FOXO3: variants seen among roughly 807,000 people sequenced by gnomAD.
FOXO3 encodes the protein forkhead box protein O3.
FOXO3 carries 4 observed loss-of-function variants against 41.9 expected under a neutral mutation model. That is an observed-to-expected ratio of 0.10 (90% CI 0.05 to 0.22). The LOEUF (loss-of-function observed/expected upper bound fraction) is 0.22, where lower values mean the gene tolerates loss of function less well. Ranked by LOEUF, FOXO3 falls within the 10% of genes least tolerant of loss-of-function variation. The pLI is 1.00. For missense variants in FOXO3, 534 were observed against 906.8 expected (o/e 0.59, Z 5.28); for synonymous variants, 318 against 389.3 (o/e 0.82, Z 2.16).
intron 1 of FOXO3, among the ~76,000 whole-genome samples, chr6:108,610,357 A>G (rs2128369074): frequency 6.6e-6 from 1 of 152,346 alleles, no homozygotes; most frequent in South Asian, 2.1e-4. Context: ...TAAACTGGCC[A>G]CAGGAAAATT....
intron 2 of FOXO3, among the ~76,000 whole-genome samples, chr6:108,665,462 T>G (rs1779022940): frequency 1.3e-5 from 2 of 152,156 alleles, no homozygotes. Context: ...AGAAGCAAAA[T>G]CTGTTAATTA....
intron 1 of FOXO3, among the ~76,000 whole-genome samples, chr6:108,629,394 G>A (rs1271220019): frequency 1.3e-5 from 2 of 152,120 alleles, no homozygotes; most frequent in African/African-American, 4.8e-5. Flanking sequence ...TGAGCACAGT[G>A]GATTCAAGTA....
At chr6:108,612,737 CTT>C (rs1220224874) in intron 1 of FOXO3, among the ~76,000 whole-genome samples, 1 of 151,574 alleles carries the variant, frequency 6.6e-6, no homozygotes, top group Non-Finnish European at 1.5e-5. Flanking sequence ...ACTGTATACA[CTT>C]TATTTCTTTT....
chr6:108,561,023 C>G lies in FOXO3; in HGVS notation c.-186C>G, dbSNP rs1466032280. On this transcript the variant is annotated 5_prime_UTR_variant, in exon 1 of 3. Coordinates refer to ENST00000406360, the MANE Select transcript of FOXO3 (RefSeq NM_001455.4). ...GTGGCGGCAGCGGGCGAGGACTCGCCGAGGACGGGGCTCCGGCCCGGGATA... is the reference window on the plus strand; with the variant it reads ...GTGGCGGCAGCGGGCGAGGACTCGCGGAGGACGGGGCTCCGGCCCGGGATA... 3.6e-6 allele frequency: 5 copies of G among 1,380,054 alleles called. No homozygotes were observed. Among genetic ancestry groups the G allele is most frequent in the South Asian group, 3.4e-5 (2 of 58,912 alleles). The allele number at this position is 1,380,054 out of a possible 1,614,324, so 85.5% of individuals were successfully genotyped here. A position where few individuals can be genotyped will look rare whatever the true frequency, so the allele number is the denominator to read the frequency against.
intron 1 of FOXO3, among the ~76,000 whole-genome samples, chr6:108,645,721 T>C (rs1778377034): frequency 6.6e-6 from 1 of 152,136 alleles, no homozygotes; most frequent in East Asian, 1.9e-4. Context: ...TACATCAGGG[T>C]AGGTATAGAA....
At chr6:108,575,388 A>G (rs1003439272) in intron 1 of FOXO3, among the ~76,000 whole-genome samples, 16 of 151,154 alleles carry the variant, frequency 1.1e-4, no homozygotes, top group East Asian at 3.9e-4. Flanking sequence ...TAAAAAAAAA[A>G]AAAAGAAAAG....
chr6:108,563,103 TAAG>T (rs962324476), intron 1 of FOXO3, among the ~76,000 whole-genome samples: 27 of 152,128 alleles, frequency 1.8e-4, no homozygotes, highest in African/African-American at 6.3e-4. Context: ...GGTATAAAAA[TAAG>T]AACAGTTTAA....
At chr6:108,572,914 A>G (rs747710724) in intron 1 of FOXO3, among the ~76,000 whole-genome samples, 2 of 152,078 alleles carry the variant, frequency 1.3e-5, no homozygotes, top group African/African-American at 4.8e-5. Flanking sequence ...GGGCTCTCTG[A>G]CTTGGGAGCA....
chr6:108,675,076 G>A (rs907726854), intron 2 of FOXO3, among the ~76,000 whole-genome samples: 1 of 152,062 alleles, frequency 6.6e-6, no homozygotes, highest in African/African-American at 2.4e-5. Flanking sequence ...CATAATCCCT[G>A]CCTCAACATA....
At chr6:108,601,747 A>G (rs1777062660) in intron 1 of FOXO3, among the ~76,000 whole-genome samples, 1 of 152,232 alleles carries the variant, frequency 6.6e-6, no homozygotes, top group Admixed American at 6.5e-5. Context: ...ATCATACAGT[A>G]TATGGATTTT....
In FOXO3 at chr6:108,561,246, C is replaced by T; in HGVS notation, c.38C>T (p.Pro13Leu). The T allele has an allele frequency of 1.9e-6, 3 of 1,564,736 alleles. No homozygotes were observed. Among genetic ancestry groups the T allele is most frequent in the South Asian group, 1.2e-5 (1 of 85,480 alleles). Reference protein sequence around the residue: ...EAPASPAPLSPLEVELDPEFE... With the variant: ...EAPASPAPLSLLEVELDPEFE... ...CCGGCTTCCCCGGCCCCGCTCTCTC[C>T]GCTCGAAGTGGAGCTGGACCCGGAG... The change falls in exon 1 of 3, where the codon CCG (proline) becomes CTG (leucine). Residue 13 changes from proline to leucine, a missense_variant. Pro to Leu is a moderately conservative substitution (Grantham distance 98, BLOSUM62 -3). Coordinates refer to ENST00000406360, the MANE Select transcript of FOXO3 (RefSeq NM_001455.4).
In FOXO3 at chr6:108,683,215, G is replaced by A. The variant is rs975503243; in HGVS notation, c.*3423G>A. The stretch of plus-strand genomic sequence containing the variant: ...TGTTTGTTTTTGGTGTTAATTTTTA[G>A]CATTGTGTGTGTTGCTTCCCCACCC... On this transcript the variant is annotated 3_prime_UTR_variant, in exon 3 of 3. Transcript: ENST00000406360. 1.3e-5 allele frequency: 2 copies of A among 152,428 alleles called. No homozygotes were observed. Among genetic ancestry groups the A allele is most frequent in the African/African-American group, 4.8e-5 (2 of 41,410 alleles). 9.4% of individuals were successfully genotyped at this position (152,428 alleles called of 1,614,324 possible).
chr6:108,675,838 A>T (rs1433817911), intron 2 of FOXO3, among the ~76,000 whole-genome samples: 1 of 152,224 alleles, frequency 6.6e-6, no homozygotes, highest in Non-Finnish European at 1.5e-5. Flanking sequence ...TGCCCAGAAG[A>T]TAAAAACACT....
At chr6:108,635,611 AG>A (rs1778100713) in intron 1 of FOXO3, among the ~76,000 whole-genome samples, 1 of 152,198 alleles carries the variant, frequency 6.6e-6, no homozygotes, top group Admixed American at 6.5e-5. Context: ...GCTGAGCTGC[AG>A]GAGGTGCTGG....
chr6:108,656,135 CAA>C (rs146161678), intron 1 of FOXO3, among the ~76,000 whole-genome samples: 4 of 110,608 alleles, frequency 3.6e-5, no homozygotes, highest in African/African-American at 3.4e-5. Flanking sequence ...CACCCCACCT[CAA>C]AAAAAAAAAG....
intron 1 of FOXO3, among the ~76,000 whole-genome samples, chr6:108,594,666 C>CAGGG (rs1325865860): frequency 1.3e-5 from 2 of 152,182 alleles, no homozygotes; most frequent in Non-Finnish European, 2.9e-5. Context: ...GTCTGCCTTG[C>CAGGG]AGGGAGTGGC....
intron 1 of FOXO3, among the ~76,000 whole-genome samples, chr6:108,616,763 G>A (rs943176213): frequency 7.2e-5 from 11 of 152,240 alleles, no homozygotes; most frequent in Admixed American, 3.3e-4. Flanking sequence ...ACCCCACAAA[G>A]AAACCTTGTA....
At chr6:108,656,103 C>G (rs1778677986) in intron 1 of FOXO3, among the ~76,000 whole-genome samples, 2 of 149,924 alleles carry the variant, frequency 1.3e-5, no homozygotes, top group South Asian at 4.2e-4. Flanking sequence ...CTGCTCCAGA[C>G]AGTCCTCCTC....
At chr6:108,560,192 C>T (rs1208834921), upstream of FOXO3, among the ~76,000 whole-genome samples, 6 of 152,194 alleles carry the variant, frequency 3.9e-5, no homozygotes, top group East Asian at 3.9e-4. Context: ...ATGGCAGCAG[C>T]GGGAGCAAGG....
Sources: allele counts gnomAD v4.1 joint callset (sites outside exome capture counted in the v4.1 genomes callset), GRCh38; gene constraint gnomAD v4.1.1; transcripts MANE v1.5; gene names NCBI Gene and HGNC (gene_info 2026-07-23, HGNC 2026-07-21).